The following TTLL11 variants were observed in gnomAD, a reference collection of about 807,000 sequenced individuals.
TTLL11 encodes the protein tubulin tyrosine ligase like 11.
In TTLL11, 42 loss-of-function variants were observed where a neutral mutation model predicts 51.7. The ratio of observed to expected loss-of-function variants is 0.81; its 90% CI spans 0.64 to 1.05. The LOEUF is 1.05. Ranked by LOEUF, TTLL11 falls within the 50% of genes least tolerant of loss-of-function variation. The pLI, the probability that TTLL11 is intolerant of heterozygous loss-of-function variation, is 0.00. For missense variants in TTLL11, 799 were observed against 940.4 expected, an observed-to-expected ratio of 0.85 and a Z score of 1.97; for synonymous variants, 381 against 383.5, an observed-to-expected ratio of 0.99 and a Z score of 0.08.
At chr9:121,852,807 T>C (rs879822957) in intron 8 of TTLL11, among the ~76,000 whole-genome samples, 6 of 152,154 alleles carry the variant, frequency 3.9e-5, no homozygotes, top group Non-Finnish European at 8.8e-5. Context: ...CGCCAACTAT[T>C]TTGTAAGCGT....
intron 1 of TTLL11, among the ~76,000 whole-genome samples, chr9:122,062,114 T>C (rs1320608838): frequency 6.6e-6 from 1 of 152,212 alleles, no homozygotes; most frequent in Admixed American, 6.5e-5. Flanking sequence ...CCTGGGCACA[T>C]CCTGCTATAT....
At chr9:121,854,108 T>C (rs1288960660) in intron 8 of TTLL11, among the ~76,000 whole-genome samples, 1 of 152,074 alleles carries the variant, frequency 6.6e-6, no homozygotes, top group Non-Finnish European at 1.5e-5. Flanking sequence ...TTGGAGGAAG[T>C]TGCCTAACTT....
At chr9:122,069,237 A>G (rs1845668770) in intron 1 of TTLL11, among the ~76,000 whole-genome samples, 1 of 152,170 alleles carries the variant, frequency 6.6e-6, no homozygotes, top group Non-Finnish European at 1.5e-5. Flanking sequence ...AGAGATGAAT[A>G]GCATGGTCCC....
At chr9:122,060,228 C>T (rs1845403946) in intron 1 of TTLL11, among the ~76,000 whole-genome samples, 1 of 152,236 alleles carries the variant, frequency 6.6e-6, no homozygotes, top group Admixed American at 6.5e-5. Flanking sequence ...TCTTAGAATT[C>T]TTCCCACCAC....
At chr9:121,993,269 T>C (rs1397990582) in intron 3 of TTLL11, among the ~76,000 whole-genome samples, 1 of 152,256 alleles carries the variant, frequency 6.6e-6, no homozygotes, top group Non-Finnish European at 1.5e-5. Flanking sequence ...ACAATGTACA[T>C]TTAAAAATGG....
chr9:121,888,661 T>C (rs549305925), intron 6 of TTLL11, among the ~76,000 whole-genome samples: 4 of 152,380 alleles, frequency 2.6e-5, no homozygotes, highest in South Asian at 4.1e-4. Flanking sequence ...CACAAAGATA[T>C]GGCTTCAGGA....
chr9:122,008,769 C>T (rs932826734), intron 3 of TTLL11, among the ~76,000 whole-genome samples: 10 of 152,160 alleles, frequency 6.6e-5, no homozygotes, highest in African/African-American at 2.4e-4. Flanking sequence ...GCATGATTTG[C>T]GATAGCCAAG....
At chr9:121,904,376 C>T (rs1176762450) in intron 6 of TTLL11, among the ~76,000 whole-genome samples, 4 of 152,188 alleles carry the variant, frequency 2.6e-5, no homozygotes, top group South Asian at 2.1e-4. Context: ...AGGGTTTCAC[C>T]GTATTAGCCA....
rs183330829 is a variant in TTLL11, at chr9:121,941,619, G to C, written c.1481+32390C>G. ...ACTGATTTCTCCCGCCTGCTGAGTA[G>C]AACTAGGAATGATGGTCTCTCTGAT... On this transcript the variant is annotated intron_variant, in intron 6 of 8. Transcript: ENST00000321582. Among the ~76,000 whole-genome samples the C allele has an allele frequency of 6.4e-4, 97 of 152,260 alleles. No individual in the cohort carries two copies. The Middle Eastern group carries it at 0.014, about 21-fold the overall frequency.
intron 6 of TTLL11, among the ~76,000 whole-genome samples, chr9:121,943,566 C>T (rs1240437682): frequency 6.6e-6 from 1 of 152,192 alleles, no homozygotes; most frequent in Non-Finnish European, 1.5e-5. Context: ...TTTCTCAGAT[C>T]TTCATGGTTG....
At chr9:122,035,063 T>C (rs1377506520) in intron 2 of TTLL11, among the ~76,000 whole-genome samples, 1 of 152,278 alleles carries the variant, frequency 6.6e-6, no homozygotes. Flanking sequence ...CTTTTGCTCC[T>C]GGAGCCTGAG....
At chr9:122,006,415 T>C (rs1346756832) in intron 3 of TTLL11, among the ~76,000 whole-genome samples, 1 of 152,190 alleles carries the variant, frequency 6.6e-6, no homozygotes, top group Non-Finnish European at 1.5e-5. Context: ...TTTAGTTTAT[T>C]TGATATTTCA....
rs971697443 is a variant in TTLL11 at position 121,995,693 on chromosome 9, T to A, written c.694-5923A>T. On this transcript the variant is annotated intron_variant, in intron 3 of 8. Transcript: ENST00000321582. The surrounding 1 kb of genome is among the most constrained non-coding windows in gnomAD (Gnocchi z 4.4). ...TTGCACGACTCCAGACAGAGCTAAT[T>A]TAGGACTTTATAATATCCCGCAAGC... Among the ~76,000 whole-genome samples the A allele has an allele frequency of 6.6e-6, 1 of 152,140 alleles. No individual in the cohort carries two copies. The highest frequency in any genetic ancestry group is 1.5e-5 in the Non-Finnish European group (1 of 68,038).
At chr9:121,855,088 G>C (rs1027120028) in intron 8 of TTLL11, among the ~76,000 whole-genome samples, 3 of 152,158 alleles carry the variant, frequency 2.0e-5, no homozygotes, top group African/African-American at 7.2e-5. Context: ...GGTTCCTTAG[G>C]TGGGGAGAGC....
intron 4 of TTLL11, among the ~76,000 whole-genome samples, chr9:121,975,714 A>C (rs1218792537): frequency 6.6e-6 from 1 of 152,176 alleles, no homozygotes; most frequent in Non-Finnish European, 1.5e-5. Flanking sequence ...TGTGTCTCAA[A>C]AAACAAACAA....
At chr9:122,003,744 C>G (rs1425391132) in intron 3 of TTLL11, among the ~76,000 whole-genome samples, 1 of 151,114 alleles carries the variant, frequency 6.6e-6, no homozygotes, top group Non-Finnish European at 1.5e-5. Context: ...CTCAGCCTCC[C>G]AAAGCGCTGG....
rs144084037 is a variant in TTLL11 at position 121,969,884 on chromosome 9, C to T, written c.1481+4125G>A. Among the ~76,000 whole-genome samples, 870 of 152,250 alleles carry T rather than the reference C, an allele frequency of 5.7e-3. 9 individuals carry two copies. Among genetic ancestry groups the T allele is most frequent in the African/African-American group, 0.02 (824 of 41,554 alleles). On this transcript the variant is annotated intron_variant, in intron 6 of 8. Transcript: ENST00000321582. ...TTCAACTTATTCTGAAACATTTCTA[C>T]GCAAAGGAGTTGAGAATAATTTCAG...
intron 6 of TTLL11, among the ~76,000 whole-genome samples, chr9:121,947,143 C>A (rs1841698771): frequency 6.6e-6 from 1 of 152,166 alleles, no homozygotes; most frequent in Non-Finnish European, 1.5e-5. Context: ...TGCTTCCTTG[C>A]AGAGCTGAGC....
chr9:122,073,047 G>A (rs1845766871), intron 1 of TTLL11, among the ~76,000 whole-genome samples: 1 of 152,184 alleles, frequency 6.6e-6, no homozygotes, highest in Admixed American at 6.5e-5. Context: ...CAGGCATTGT[G>A]CAGTATGAGG....
Sources: gnomAD v4.1 joint callset for allele counts (sites outside exome capture counted in the v4.1 genomes callset) on GRCh38, gnomAD v4.1.1 for gene constraint, Gnocchi (gnomAD v3.1) non-coding constraint, MANE v1.5 for transcripts, NCBI Gene and HGNC (gene_info 2026-07-23, HGNC 2026-07-21) for gene names.